The following SECISBP2L variants were observed in gnomAD, a reference collection of about 807,000 sequenced individuals.
SECISBP2L encodes the protein SECIS binding protein 2 like.
Under a neutral mutation model 114.7 loss-of-function variants are expected in SECISBP2L, and 43 were observed. The ratio of observed to expected loss-of-function variants is 0.38; its 90% CI spans 0.29 to 0.48. The LOEUF (loss-of-function observed/expected upper bound fraction) is 0.48, where lower values mean the gene tolerates loss of function less well. Ranked by LOEUF, SECISBP2L falls within the 20% of genes least tolerant of loss-of-function variation. The probability of loss-of-function intolerance (pLI) is 0.98; values close to 1 mark genes in which losing one functional copy is unlikely to be tolerated. For synonymous variants in SECISBP2L, 451 were observed against 439.7 expected, an observed-to-expected ratio of 1.03 and a Z score of -0.32; for missense variants, 1,136 against 1,301.1, an observed-to-expected ratio of 0.87 and a Z score of 1.95.
In SECISBP2L at chr15:49,027,347, C is replaced by T; in HGVS notation, c.1035+18G>A. ...CATCTCATACCTAATCAATTTTCTC[C>T]AACCTAATTCGAATTACCTGTGAAT... On this transcript the variant is annotated intron_variant, in intron 7 of 17. Coordinates refer to ENST00000559471, the MANE Select transcript of SECISBP2L (RefSeq NM_001193489.2). The T allele has an allele frequency of 1.3e-6, 2 of 1,573,898 alleles. No homozygotes were observed. Among genetic ancestry groups the T allele is most frequent in the Non-Finnish European group, 1.7e-6 (2 of 1,145,526 alleles).
chr15:49,023,779 C>T (rs1238093680), intron 7 of SECISBP2L, among the ~76,000 whole-genome samples: 2 of 152,002 alleles, frequency 1.3e-5, no homozygotes, highest in Non-Finnish European at 2.9e-5. Flanking sequence ...AAGCAGAGAA[C>T]AGAGTAGATA....
rs372757388 is a variant in SECISBP2L at position 49,028,443 on chromosome 15, T to C, written c.894+10A>G. On this transcript the variant is annotated intron_variant, in intron 5 of 17. Coordinates refer to ENST00000559471, the MANE Select transcript of SECISBP2L (RefSeq NM_001193489.2). ...ATGACCAATAAAGAAATCAAGACGA[T>C]GTCACATACATTCATGGTCCCAGAA... is the stretch of plus-strand genomic sequence containing the variant. The C allele has an allele frequency of 1.9e-5, 31 of 1,611,796 alleles. No individual in the cohort carries two copies. The highest frequency in any genetic ancestry group is 2.4e-5 in the Non-Finnish European group (28 of 1,177,994).
chr15:49,024,097 AT>A (rs1260575920), intron 7 of SECISBP2L, among the ~76,000 whole-genome samples: 4 of 152,056 alleles, frequency 2.6e-5, no homozygotes, highest in Admixed American at 2.6e-4. Context: ...ATATTACCCA[AT>A]GTTAAAACAC....
At chr15:49,036,541 C>G (rs1191891542) in intron 2 of SECISBP2L, among the ~76,000 whole-genome samples, 2 of 152,150 alleles carry the variant, frequency 1.3e-5, no homozygotes, top group Non-Finnish European at 2.9e-5. Flanking sequence ...ATACTGTATA[C>G]TTGGCCATTT....
chr15:49,016,279 G>A (rs1902534020), intron 11 of SECISBP2L, among the ~76,000 whole-genome samples: 1 of 152,146 alleles, frequency 6.6e-6, no homozygotes, highest in Admixed American at 6.6e-5. Context: ...GGCTACTGTG[G>A]TGGCAGGAAA....
At chr15:49,007,822 A>G (rs946495396) in intron 14 of SECISBP2L, among the ~76,000 whole-genome samples, 3 of 152,152 alleles carry the variant, frequency 2.0e-5, no homozygotes, top group Non-Finnish European at 4.4e-5. Flanking sequence ...AGCTAGGTAA[A>G]ATGGCCTCAA....
At chr15:49,005,062 G>A (rs1297295381) in intron 14 of SECISBP2L, among the ~76,000 whole-genome samples, 1 of 152,172 alleles carries the variant, frequency 6.6e-6, no homozygotes, top group Non-Finnish European at 1.5e-5. Context: ...GGGCGCAGTG[G>A]CTCACGCCTG....
At chr15:49,010,109 G>A (rs985797068) in intron 13 of SECISBP2L, among the ~76,000 whole-genome samples, 1 of 80,874 alleles carries the variant, frequency 1.2e-5, no homozygotes, top group African/African-American at 4.9e-5. Context: ...TCCAGCCTGG[G>A]CAACAACAGA....
intron 9 of SECISBP2L, 47 bp downstream of exon 9, chr15:49,017,501 G>A (rs775436805): frequency 8.2e-7 from 1 of 1,216,826 alleles, no homozygotes; most frequent in South Asian, 1.3e-5. Flanking sequence ...CATAGCCATT[G>A]TTCAAAAGAT....
chr15:49,031,048 T>C (rs565573759), intron 4 of SECISBP2L, among the ~76,000 whole-genome samples: 141 of 127,172 alleles, frequency 1.1e-3, no homozygotes, highest in African/African-American at 4.6e-3. Flanking sequence ...TTTTTTTTTT[T>C]TTTTTTTTTT....
At chr15:49,004,447 C>G (rs1318083569) in intron 14 of SECISBP2L, among the ~76,000 whole-genome samples, 2 of 152,088 alleles carry the variant, frequency 1.3e-5, no homozygotes, top group Non-Finnish European at 2.9e-5. Context: ...CTGCTCTGAT[C>G]TTAGTTATTT....
chr15:49,044,985 AG>A (rs1903212650), intron 1 of SECISBP2L, among the ~76,000 whole-genome samples: 1 of 152,214 alleles, frequency 6.6e-6, no homozygotes, highest in Admixed American at 6.5e-5. Context: ...TTGAAATCTC[AG>A]GTATTTATGA....
intron 7 of SECISBP2L, among the ~76,000 whole-genome samples, chr15:49,026,514 T>G (rs1902747004): frequency 6.6e-6 from 1 of 152,202 alleles, no homozygotes. Flanking sequence ...ATGTGTCGAC[T>G]AGAAAGAAAA....
At chr15:49,009,142 A>G in intron 14 of SECISBP2L, 74 bp downstream of exon 14, 2 of 1,478,864 alleles carry the variant, frequency 1.4e-6, no homozygotes, top group South Asian at 2.5e-5. Flanking sequence ...CTGAGTAACA[A>G]TGACAATACT....
rs568318503 is a variant in SECISBP2L at position 49,043,117 on chromosome 15, A to AT, written c.24+3158dup. On this transcript the variant is annotated intron_variant, in intron 1 of 17. Transcript: ENST00000559471. ...AATACTTTTTTATTATGAACATATT[A>AT]TTTTTTAAATCTGATAAGACAGCTC... Among the ~76,000 whole-genome samples, 379 of 152,320 alleles carry AT rather than the reference A, an allele frequency of 2.5e-3. 1 individual carries two copies. Among genetic ancestry groups the AT allele is most frequent in the African/African-American group, 8.7e-3 (363 of 41,570 alleles).
At chr15:49,013,336 G>A (rs1426962710) in intron 11 of SECISBP2L, among the ~76,000 whole-genome samples, 9 of 151,734 alleles carry the variant, frequency 5.9e-5, no homozygotes, top group African/African-American at 1.2e-4. Context: ...CTACTCTGTC[G>A]CCCAAGCTGC....
chr15:49,022,227 C>T (rs543970919), intron 7 of SECISBP2L, among the ~76,000 whole-genome samples: 48 of 152,268 alleles, frequency 3.2e-4, no homozygotes, highest in African/African-American at 1.1e-3. Flanking sequence ...AAGCGCTCCT[C>T]CCACCTCAGC....
rs556317734 is a variant in SECISBP2L, at chr15:49,035,233, T to G, written c.528+101A>C. The G allele has an allele frequency of 2.0e-5, 19 of 951,030 alleles. No individual in the cohort carries two copies. The South Asian group carries it at 2.5e-4, about 13-fold the overall frequency. 58.9% of individuals were successfully genotyped at this position (951,030 alleles called of 1,614,324 possible). On this transcript the variant is annotated intron_variant, in intron 3 of 17. Transcript: ENST00000559471. Reference sequence around the variant, plus strand: ...TTACAATAGTGAACAATATGTTTTATAGTAAATTCAGCATTAATGGTCAAT... The same window carrying G: ...TTACAATAGTGAACAATATGTTTTAGAGTAAATTCAGCATTAATGGTCAAT...
Position 48,991,549 on chromosome 15 carries a change from T to C in SECISBP2L, c.*695A>G, listed in dbSNP as rs902221464. 1 of 152,534 alleles carries C rather than the reference T, an allele frequency of 6.6e-6. No individual in the cohort carries two copies. Among genetic ancestry groups the C allele is most frequent in the Admixed American group, 6.5e-5 (1 of 15,270 alleles). 9.4% of individuals were successfully genotyped at this position (152,534 alleles called of 1,614,324 possible). On this transcript the variant is annotated 3_prime_UTR_variant, in exon 18 of 18. Transcript: ENST00000559471. Reference sequence around the variant, plus strand: ...GCAAATATGAGACAGAACCTGGAGGTCCTATCATGGGTGACTGTTCACTAT... The same window carrying C: ...GCAAATATGAGACAGAACCTGGAGGCCCTATCATGGGTGACTGTTCACTAT...
Sources: gnomAD v4.1 joint callset for allele counts (sites outside exome capture counted in the v4.1 genomes callset) on GRCh38, gnomAD v4.1.1 for gene constraint, MANE v1.5 for transcripts, NCBI Gene and HGNC (gene_info 2026-07-23, HGNC 2026-07-21) for gene names.